SEC14L3: variants seen among roughly 807,000 people sequenced by gnomAD.
SEC14L3 encodes the protein SEC14 like lipid binding 3, also known as SEC14-like protein 3.
In SEC14L3, 56 loss-of-function variants were observed where a neutral mutation model predicts 57.4. The observed-to-expected ratio is 0.97, with a 90% CI of 0.79 to 1.22. The LOEUF is 1.22. SEC14L3 is among the 50% of genes most tolerant of loss of function. The pLI is 0.00. For synonymous variants in SEC14L3, 173 were observed against 194.4 expected, an observed-to-expected ratio of 0.89 and a Z score of 0.92; for missense variants, 485 against 511.7, an observed-to-expected ratio of 0.95 and a Z score of 0.50.
At chr22:30,460,426 G>A (rs2074649) in intron 11 of SEC14L3, among the ~76,000 whole-genome samples, 1 of 151,972 alleles carries the variant, frequency 6.6e-6, no homozygotes, top group Admixed American at 6.6e-5. Context: ...CGCACATGAC[G>A]GGGCTGTGAA....
In SEC14L3 at chr22:30,459,644, A is replaced by G. The variant is rs138462318; in HGVS notation, c.*377T>C. On this transcript the variant is annotated 3_prime_UTR_variant, in exon 12 of 12. Transcript: ENST00000215812. Reference sequence around the variant, plus strand: ...ACTATATATAGGGAGTGGAAGTAAAAAGGATTTAGATATGTCTCCAACCCA... The same window carrying G: ...ACTATATATAGGGAGTGGAAGTAAAGAGGATTTAGATATGTCTCCAACCCA... The G allele has an allele frequency of 1.6e-3, 1,648 of 1,005,292 alleles. 6 individuals are homozygous for G. The highest frequency in any genetic ancestry group is 0.012 in the South Asian group (275 of 23,004). The allele number at this position is 1,005,292 out of a possible 1,614,324, so 62.3% of individuals were successfully genotyped here.
chr22:30,458,652 G>A (rs116255130), downstream of SEC14L3, among the ~76,000 whole-genome samples: 1,787 of 152,244 alleles, frequency 0.012, 31 homozygotes, highest in African/African-American at 0.04. Flanking sequence ...GCCTCCCCAA[G>A]GGCTGGGATT....
intron 4 of SEC14L3, chr22:30,468,912 G>A (rs945931488): frequency 2.7e-6 from 4 of 1,498,622 alleles, no homozygotes; most frequent in African/African-American, 2.8e-5. Context: ...GTCTCAGCAG[G>A]CCCTTGGACT....
At chr22:30,458,952 C>T (rs1049679688), downstream of SEC14L3, among the ~76,000 whole-genome samples, 3 of 152,152 alleles carry the variant, frequency 2.0e-5, no homozygotes, top group Non-Finnish European at 4.4e-5. Context: ...CTGCAGTGAG[C>T]CATGATTGTA....
chr22:30,449,568 CTTT>C (rs1160178263), intron 12 of SEC14L3, among the ~76,000 whole-genome samples: 1 of 37,840 alleles, frequency 2.6e-5, no homozygotes, highest in East Asian at 1.0e-3. Context: ...CTTTTCTTTT[CTTT>C]TTTTTTTTTT....
At position 30,464,873 on chromosome 22, in the gene SEC14L3, A is replaced by G; in HGVS notation, c.611T>C (p.Leu204Pro). The G allele has an allele frequency of 6.2e-7, 1 of 1,614,006 alleles. No individual in the cohort carries two copies. The highest frequency in any genetic ancestry group is 8.5e-7 in the Non-Finnish European group (1 of 1,179,868). ...ATKLFPVGYN[L>P]MKPFLSEDTR... ...GTCCTCACTCAGGAATGGCTTCATG[A>G]GGTTGTAGCCCACAGGGAACAGTTT... Residue 204 changes from leucine (L) to proline (P), a missense_variant, in exon 8 of 12, where the codon CTC becomes CCC. Physicochemically the swap from Leu to Pro is moderately conservative, Grantham distance 98. Coordinates refer to ENST00000215812, the MANE Select transcript of SEC14L3 (RefSeq NM_174975.5).
intron 12 of SEC14L3, among the ~76,000 whole-genome samples, chr22:30,452,003 AAAAAAAG>A (rs1371808497): frequency 1.0e-4 from 14 of 139,106 alleles, no homozygotes; most frequent in Non-Finnish European, 2.1e-4. Context: ...AAAAAAAAAA[AAAAAAAG>A]AAAAAAGAAA....
chr22:30,458,289 G>T (rs1419823963), downstream of SEC14L3, among the ~76,000 whole-genome samples: 1 of 152,212 alleles, frequency 6.6e-6, no homozygotes, highest in African/African-American at 2.4e-5. Context: ...GTGAGCGTCA[G>T]GGGGTTGTGC....
intron 12 of SEC14L3, among the ~76,000 whole-genome samples, chr22:30,450,996 C>T (rs965560871): frequency 1.3e-5 from 2 of 152,248 alleles, no homozygotes; most frequent in African/African-American, 2.4e-5. Flanking sequence ...TTGTCCCCAA[C>T]CCTCCTGACT....
downstream of SEC14L3, among the ~76,000 whole-genome samples, chr22:30,455,060 T>TATATATA (rs773515172): frequency 1.3e-5 from 1 of 76,130 alleles, no homozygotes; most frequent in South Asian, 3.6e-4. Context: ...TACAATATAT[T>TATATATA]ATATATAATA....
At chr22:30,454,726 T>TATATAA (rs1935058728), downstream of SEC14L3, among the ~76,000 whole-genome samples, 2 of 78,108 alleles carry the variant, frequency 2.6e-5, no homozygotes, top group African/African-American at 1.1e-4. Flanking sequence ...TAATCTATAA[T>TATATAA]CTATAATATA....
intron 12 of SEC14L3, among the ~76,000 whole-genome samples, chr22:30,453,915 G>A (rs987188654): frequency 2.0e-5 from 3 of 152,152 alleles, no homozygotes; most frequent in South Asian, 2.1e-4. Context: ...TTTAAAGGTA[G>A]GTGCAGGGTC....
downstream of SEC14L3, among the ~76,000 whole-genome samples, chr22:30,458,579 TG>T (rs1935159375): frequency 6.6e-6 from 1 of 152,184 alleles, no homozygotes; most frequent in Non-Finnish European, 1.5e-5. Context: ...GATAGAGATG[TG>T]GTCTTACTAT....
At position 30,468,699 on chromosome 22, in the gene SEC14L3, G is replaced by A. The variant is rs1018713015; in HGVS notation, c.235-3C>T. The A allele has an allele frequency of 6.2e-7, 1 of 1,613,654 alleles. No individual in the cohort carries two copies. Among genetic ancestry groups the A allele is most frequent in the African/African-American group, 1.3e-5 (1 of 74,984 alleles). ...CCAGGCATGTACTTCTGGATCACCTGGGCATGAAAAGATGCACAGAACTTG... is the reference window on the plus strand; with the variant it reads ...CCAGGCATGTACTTCTGGATCACCTAGGCATGAAAAGATGCACAGAACTTG... On this transcript the variant is annotated splice_region_variant and splice_polypyrimidine_tract_variant and intron_variant, in intron 4 of 11. Transcript: ENST00000215812.
intron 12 of SEC14L3, among the ~76,000 whole-genome samples, chr22:30,453,814 G>A (rs73390297): frequency 1.4e-3 from 217 of 152,276 alleles, no homozygotes; most frequent in African/African-American, 5.0e-3. Context: ...AGATAGGGCT[G>A]ACAGCTTACT....
Position 30,453,830 on chromosome 22 carries a change from CAG to C in SEC14L3, c.905-4588_905-4587del, listed in dbSNP as rs1935032334. Among the ~76,000 whole-genome samples the C allele has an allele frequency of 2.6e-5, 4 of 152,164 alleles. No individual in the cohort carries two copies. In the East Asian group the frequency reaches 7.7e-4, roughly 29 times the overall value. ...GATAGGGCTGACAGCTTACTCTCTTCAGAGTTTCCTGGGGAAGGGGACACCTA... is the reference window on the plus strand; with the variant it reads ...GATAGGGCTGACAGCTTACTCTCTTCAGTTTCCTGGGGAAGGGGACACCTA... On this transcript the variant is annotated intron_variant, in intron 12 of 12. Transcript: ENST00000403066.
intron 4 of SEC14L3, 35 bp downstream of exon 4, chr22:30,469,984 G>T (rs764111827): frequency 3.4e-6 from 5 of 1,479,058 alleles, no homozygotes; most frequent in Non-Finnish European, 4.6e-6. Flanking sequence ...TGGTACGTCC[G>T]TGAAAGACTG....
intron 11 of SEC14L3, 22 bp downstream of exon 11, chr22:30,461,288 G>A (rs748998498): frequency 7.7e-6 from 12 of 1,555,160 alleles, no homozygotes; most frequent in African/African-American, 1.4e-5. Context: ...TCAGAGCCAG[G>A]TCCCAGCTGG....
At chr22:30,461,879 C>T (rs1935278735) in intron 9 of SEC14L3, 185 bp from the exon 10 acceptor site, 1 of 488,572 alleles carries the variant, frequency 2.0e-6, no homozygotes, top group African/African-American at 2.1e-5. Context: ...CTTCCCCTCC[C>T]AGCTCATCCC....
Sources: allele counts gnomAD v4.1 joint callset (sites outside exome capture counted in the v4.1 genomes callset), GRCh38; gene constraint gnomAD v4.1.1; transcripts MANE v1.5; gene names NCBI Gene and HGNC (gene_info 2026-07-23, HGNC 2026-07-21).